NEK2: variants seen among roughly 807,000 people sequenced by gnomAD.
NEK2 encodes the protein NIMA related kinase 2.
Under a neutral mutation model 54.1 loss-of-function variants are expected in NEK2, and 28 were observed. The ratio of observed to expected loss-of-function variants is 0.52; its 90% CI spans 0.38 to 0.71. The LOEUF is 0.71. Among genes scored for constraint, NEK2 ranks in the 30% least tolerant of loss-of-function variants. The pLI is 0.00. For synonymous variants in NEK2, 176 were observed against 193.1 expected (o/e 0.91, Z 0.73); for missense variants, 407 against 531.5 (o/e 0.77, Z 2.30).
At chr1:211,658,952 T>C (rs1478956149), downstream of NEK2, among the ~76,000 whole-genome samples, 2 of 152,084 alleles carry the variant, frequency 1.3e-5, no homozygotes, top group African/African-American at 4.8e-5. Flanking sequence ...TCAAACATTT[T>C]ACCTTTCACA....
chr1:211,670,537 T>A, intron 4 of NEK2, 130 bp from the exon 5 acceptor site: 3 of 1,084,418 alleles, frequency 2.8e-6, no homozygotes, highest in Non-Finnish European at 4.0e-6. Context: ...CTTCTGGGAT[T>A]TTCTTCTTAT....
At position 211,666,539 on chromosome 1, in the gene NEK2, G is replaced by A; in HGVS notation, c.1111+567C>T. 8 of 933,860 alleles carry A rather than the reference G, an allele frequency of 8.6e-6. No individual in the cohort carries two copies. The South Asian group carries it at 4.0e-4, about 46-fold the overall frequency. The allele number at this position is 933,860 out of a possible 1,614,324, so 57.8% of individuals were successfully genotyped here. The stretch of plus-strand genomic sequence containing the variant: ...GTATCGGCTGGGCACGGTGTCTCAT[G>A]CCTGTAATCCCAGCACATTGGGAGG... On this transcript the variant is annotated intron_variant, in intron 7 of 7. Transcript: ENST00000366999.
At position 211,669,149 on chromosome 1, in the gene NEK2, C is replaced by G; in HGVS notation, c.949G>C (p.Glu317Gln). ...TCTTCTCTTGCTTTGAGAGCTCGCT[C>G]TCGCTCCTGTAACTGAATTTCCTTC... The part of the protein sequence containing the change: ...KLKEIQLQER[E>Q]RALKAREERL... The change falls in exon 6 of 8, where the codon GAG becomes CAG. Residue 317 changes from glutamate to glutamine, a missense_variant. Physicochemically the swap from Glu to Gln is conservative, Grantham distance 29. Transcript: ENST00000366999. 1 of 1,613,964 alleles carries G rather than the reference C, an allele frequency of 6.2e-7. No individual in the cohort carries two copies. Among genetic ancestry groups the G allele is most frequent in the Non-Finnish European group, 8.5e-7 (1 of 1,179,862 alleles).
rs573396056 is a variant in NEK2, at chr1:211,662,909, A to T, written c.*517T>A. 29 of 986,448 alleles carry T rather than the reference A, an allele frequency of 2.9e-5. No homozygotes were observed. The South Asian group carries it at 8.4e-4, about 29-fold the overall frequency. 61.1% of individuals were successfully genotyped at this position (986,448 alleles called of 1,614,324 possible). A position where few individuals can be genotyped will look rare whatever the true frequency, so the allele number is the denominator to read the frequency against. On this transcript the variant is annotated 3_prime_UTR_variant, in exon 8 of 8. Coordinates refer to ENST00000366999, the MANE Select transcript of NEK2 (RefSeq NM_002497.4). The surrounding 1 kb of genome is among the most constrained non-coding windows in gnomAD (Gnocchi z 4.2). The stretch of plus-strand genomic sequence containing the variant: ...AATTTTCACAAAGCTAACAGATTTG[A>T]ACTACAGAGCAATGGAATATTTATA...
chr1:211,671,043 T>C, intron 4 of NEK2, 159 bp downstream of exon 4: 1 of 612,784 alleles, frequency 1.6e-6, no homozygotes, highest in South Asian at 1.9e-5. Flanking sequence ...GAATAGTTTC[T>C]TTTAGCCTGT....
At chr1:211,662,466 T>C (rs748522834), downstream of NEK2, among the ~76,000 whole-genome samples, 1 of 152,186 alleles carries the variant, frequency 6.6e-6, no homozygotes, top group Admixed American at 6.5e-5. The surrounding 1 kb of genome is among the most constrained non-coding windows in gnomAD (Gnocchi z 4.2). Context: ...CATTGTAAAA[T>C]GTTTACAGTG....
intron 2 of NEK2, among the ~76,000 whole-genome samples, chr1:211,673,999 A>G (rs1196186811): frequency 6.6e-6 from 1 of 152,114 alleles, no homozygotes; most frequent in Non-Finnish European, 1.5e-5. Flanking sequence ...TAATTTTTGT[A>G]GAAACAGGGT....
Position 211,662,862 on chromosome 1 carries a change from G to T in NEK2, c.*564C>A. The T allele has an allele frequency of 1.2e-6, 1 of 866,566 alleles. No homozygotes were observed. The highest frequency in any genetic ancestry group is 1.4e-6 in the Non-Finnish European group (1 of 723,584). The allele number at this position is 866,566 out of a possible 1,614,324, so 53.7% of individuals were successfully genotyped here. On this transcript the variant is annotated 3_prime_UTR_variant, in exon 8 of 8. Coordinates refer to ENST00000366999, the MANE Select transcript of NEK2 (RefSeq NM_002497.4). This position sits in a 1 kb window ranked among gnomAD's most constrained non-coding sequence, Gnocchi z 4.2. The stretch of plus-strand genomic sequence containing the variant: ...ATTCTGTTAAACAGAAAAAAAAAAA[G>T]AATACAAACATCACAGTGATGAATT...
chr1:211,674,164 T>G, intron 2 of NEK2, 132 bp downstream of exon 2: 2 of 702,692 alleles, frequency 2.8e-6, no homozygotes, highest in Non-Finnish European at 4.6e-6. Flanking sequence ...TCACCAGGAA[T>G]TTTCTAAAGT....
chr1:211,675,520 GCGC>G lies in NEK2; in HGVS notation c.-44_-42del, dbSNP rs1655556536. 2.6e-6 allele frequency: 4 copies of G among 1,566,214 alleles called. No individual in the cohort carries two copies. In the East Asian group the frequency reaches 9.0e-5, roughly 35 times the overall value. On this transcript the variant is annotated 5_prime_UTR_variant, in exon 1 of 8. Coordinates refer to ENST00000366999, the MANE Select transcript of NEK2 (RefSeq NM_002497.4). ...AGAGTCGCGCTGCCTCACGCAGGTT[GCGC>G]CGCCAAGTGCGGAGCTCCAGGGACC... is the stretch of plus-strand genomic sequence containing the variant.
At position 211,667,189 on chromosome 1, in the gene NEK2, T is replaced by C; in HGVS notation, c.1028A>G (p.Asp343Gly). The change falls in exon 7 of 8, where the codon GAC becomes GGC. Residue 343 changes from aspartate to glycine, a missense_variant. Coordinates refer to ENST00000366999, the MANE Select transcript of NEK2 (RefSeq NM_002497.4). ...CAGATTTTCTGCTCTAGCCAGTTTG[T>C]CCTCTGCTAGTCTCTCACGAACACA... The part of the protein sequence containing the change: ...ELCVRERLAE[D>G]KLARAENLLK... 6.2e-7 allele frequency: 1 copy of C among 1,613,292 alleles called. No individual in the cohort carries two copies. Among genetic ancestry groups the C allele is most frequent in the Non-Finnish European group, 8.5e-7 (1 of 1,179,588 alleles).
At chr1:211,668,269 C>T (rs1655240469) in intron 6 of NEK2, among the ~76,000 whole-genome samples, 1 of 152,128 alleles carries the variant, frequency 6.6e-6, no homozygotes, top group South Asian at 2.1e-4. Context: ...AATACGACCC[C>T]ATCTCTCGTC....
downstream of NEK2, chr1:211,661,040 C>G: frequency 1.4e-6 from 1 of 739,048 alleles, no homozygotes; most frequent in Non-Finnish European, 2.5e-6. Flanking sequence ...CTTGGCTCCA[C>G]CAGCTCCCGG....
Position 211,663,341 on chromosome 1 carries a change from TA to T in NEK2, c.*84del. 7 of 1,520,212 alleles carry T rather than the reference TA, an allele frequency of 4.6e-6. No homozygotes were observed. The highest frequency in any genetic ancestry group is 6.2e-6 in the Non-Finnish European group (7 of 1,129,854). 94.2% of individuals were successfully genotyped at this position (1,520,212 alleles called of 1,614,324 possible). A position where few individuals can be genotyped will look rare whatever the true frequency, so the allele number is the denominator to read the frequency against. On this transcript the variant is annotated 3_prime_UTR_variant, in exon 8 of 8. Coordinates refer to ENST00000366999, the MANE Select transcript of NEK2 (RefSeq NM_002497.4). ...GAAAGGCATGGCTCATGGAACCAAG[TA>T]TTCAACACTACAGCATTTGAATATC...
At chr1:211,674,107 C>T (rs908111279) in intron 2 of NEK2, among the ~76,000 whole-genome samples, 189 bp downstream of exon 2, 2 of 152,180 alleles carry the variant, frequency 1.3e-5, no homozygotes, top group Non-Finnish European at 2.9e-5. Context: ...TGAGCCACCA[C>T]ACTCAGCCTA....
intron 7 of NEK2, among the ~76,000 whole-genome samples, chr1:211,665,189 TG>T (rs1276952128): frequency 6.6e-6 from 1 of 152,188 alleles, no homozygotes; most frequent in East Asian, 1.9e-4. Context: ...AGCCCAAGGA[TG>T]GGGAGAGAAT....
chr1:211,661,951 A>G (rs1209448739), downstream of NEK2, among the ~76,000 whole-genome samples: 1 of 152,218 alleles, frequency 6.6e-6, no homozygotes, highest in African/African-American at 2.4e-5. Flanking sequence ...TATGATCTTC[A>G]AAACACTAAA....
chr1:211,674,224 C>T (rs1655499732), intron 2 of NEK2, 72 bp downstream of exon 2: 1 of 1,289,220 alleles, frequency 7.8e-7, no homozygotes, highest in Non-Finnish European at 1.1e-6. Context: ...TATTACTGAT[C>T]CTAAAACAAG....
At position 211,670,367 on chromosome 1, in the gene NEK2, T is replaced by TC. The variant is rs1488585123; in HGVS notation, c.678dup (p.Lys227GlufsTer16). 1 of 1,613,800 alleles carries TC rather than the reference T, an allele frequency of 6.2e-7. No individual in the cohort carries two copies. Among genetic ancestry groups the TC allele is most frequent in the African/African-American group, 1.3e-5 (1 of 74,928 alleles). ...CGCCTGAATTTGCCTTCTCTGATTT[T>TC]CCCAGCGAGTTCTTTCTGGCTAAAA... On this transcript the variant is annotated frameshift_variant, in exon 5 of 8. Transcript: ENST00000366999. LOFTEE classifies it high-confidence loss of function.
Sources: allele counts gnomAD v4.1 joint callset (sites outside exome capture counted in the v4.1 genomes callset), GRCh38; gene constraint gnomAD v4.1.1; non-coding constraint Gnocchi (gnomAD v3.1); transcripts MANE v1.5; gene names NCBI Gene and HGNC (gene_info 2026-07-23, HGNC 2026-07-21).